PARD3: variants seen among roughly 807,000 people sequenced by gnomAD.
PARD3 encodes par-3 family cell polarity regulator, also known as partitioning defective 3 homolog.
A neutral mutation model predicts 155.4 loss-of-function variants in PARD3; 75 were observed. That is an observed-to-expected ratio of 0.48 (90% CI 0.40 to 0.58). PARD3 has a LOEUF of 0.58. PARD3 is among the 20% of genes least tolerant of loss of function. The pLI is 0.00. For missense variants in PARD3, 1,642 were observed against 1,721.7 expected (o/e 0.95, Z 0.82); for synonymous variants, 576 against 610.5 (o/e 0.94, Z 0.83).
intron 1 of PARD3, among the ~76,000 whole-genome samples, chr10:34,783,374 G>A (rs1016949879): frequency 6.6e-6 from 1 of 151,660 alleles, no homozygotes; most frequent in African/African-American, 2.4e-5. Context: ...GGAGGCCGAG[G>A]CGGGCAGATC....
intron 1 of PARD3, among the ~76,000 whole-genome samples, chr10:34,814,189 T>C (rs974861950): frequency 6.6e-6 from 1 of 152,082 alleles, no homozygotes; most frequent in African/African-American, 2.4e-5. Context: ...ATCAGCTCAG[T>C]AAATGCTCGC....
chr10:34,581,229 C>CTTTTCT (rs1676146940), intron 2 of PARD3, among the ~76,000 whole-genome samples: 1 of 95,152 alleles, frequency 1.1e-5, no homozygotes, highest in Non-Finnish European at 2.1e-5. Flanking sequence ...TTTTCTTTTT[C>CTTTTCT]TTTTCTTTTT....
At chr10:34,578,948 A>G (rs1438481341) in intron 2 of PARD3, among the ~76,000 whole-genome samples, 1 of 152,216 alleles carries the variant, frequency 6.6e-6, no homozygotes, top group East Asian at 1.9e-4. Context: ...GCCTAAGCAT[A>G]TACCTTTTCA....
chr10:34,499,185 T>C (rs2080501204), intron 3 of PARD3, among the ~76,000 whole-genome samples: 8 of 152,194 alleles, frequency 5.3e-5, no homozygotes, highest in Admixed American at 5.2e-4. Flanking sequence ...ACTACAAAAT[T>C]ATAGCCAAAT....
intron 1 of PARD3, among the ~76,000 whole-genome samples, chr10:34,761,887 T>C (rs1837487991): frequency 1.3e-5 from 2 of 152,128 alleles, no homozygotes; most frequent in Non-Finnish European, 2.9e-5. Context: ...GTGTCAAGGA[T>C]GGGATTAGAA....
intron 22 of PARD3, among the ~76,000 whole-genome samples, chr10:34,184,698 G>GT (rs9336860): frequency 0.62 from 83,181 of 134,928 alleles, 26,393 homozygotes; most frequent in East Asian, 0.86. Flanking sequence ...AGGCCTTTCG[G>GT]TTTTTTTTTT....
At chr10:34,558,229 C>T (rs1007237000) in intron 2 of PARD3, among the ~76,000 whole-genome samples, 1 of 152,132 alleles carries the variant, frequency 6.6e-6, no homozygotes, top group Non-Finnish European at 1.5e-5. Flanking sequence ...TCTACTACCG[C>T]TATTTCAGAG....
At chr10:34,376,847 C>T (rs968492635) in intron 10 of PARD3, among the ~76,000 whole-genome samples, 2 of 152,024 alleles carry the variant, frequency 1.3e-5, no homozygotes, top group African/African-American at 4.8e-5. Flanking sequence ...TATTTGAATA[C>T]TAGTTAATTA....
At chr10:34,379,373 C>A (rs1841592256) in intron 9 of PARD3, among the ~76,000 whole-genome samples, 2 of 152,048 alleles carry the variant, frequency 1.3e-5, no homozygotes, top group Admixed American at 6.5e-5. Context: ...AGTCTGAAGT[C>A]ACTTTAGGGT....
At chr10:34,522,680 G>A (rs1403400302) in intron 2 of PARD3, among the ~76,000 whole-genome samples, 1 of 152,176 alleles carries the variant, frequency 6.6e-6, no homozygotes, top group African/African-American at 2.4e-5. Flanking sequence ...AAGACAGCAT[G>A]CTAGAAAATG....
chr10:34,122,854 G>A (rs1490777158), intron 23 of PARD3, among the ~76,000 whole-genome samples: 1 of 152,202 alleles, frequency 6.6e-6, no homozygotes, highest in South Asian at 2.1e-4. Context: ...TTTACACACT[G>A]TGGCTTCAAT....
intron 2 of PARD3, among the ~76,000 whole-genome samples, chr10:34,576,817 A>G (rs1173357525): frequency 1.3e-5 from 2 of 152,250 alleles, no homozygotes; most frequent in African/African-American, 4.8e-5. Flanking sequence ...AGTGGAATGA[A>G]CATGTCACTG....
intron 22 of PARD3, among the ~76,000 whole-genome samples, chr10:34,134,293 T>C (rs1295139652): frequency 6.6e-6 from 1 of 152,244 alleles, no homozygotes; most frequent in Non-Finnish European, 1.5e-5. Flanking sequence ...TGCTTTTTTG[T>C]TCCTGGCATA....
intron 2 of PARD3, among the ~76,000 whole-genome samples, chr10:34,681,306 A>G (rs542241315): frequency 2.0e-3 from 304 of 152,168 alleles, no homozygotes; most frequent in Non-Finnish European, 2.9e-3. Context: ...GTTGGAGGGA[A>G]AAAAAAAGCA....
intron 2 of PARD3, among the ~76,000 whole-genome samples, chr10:34,597,102 G>C (rs972946796): frequency 1.3e-5 from 2 of 152,094 alleles, no homozygotes; most frequent in Non-Finnish European, 2.9e-5. Context: ...GAAAACATTA[G>C]TACTGAAAGG....
At chr10:34,339,085 C>T (rs1339307221) in intron 16 of PARD3, among the ~76,000 whole-genome samples, 1 of 152,134 alleles carries the variant, frequency 6.6e-6, no homozygotes, top group Non-Finnish European at 1.5e-5. Context: ...AAATCAAAAC[C>T]CATATGATAA....
At chr10:34,790,296 CCAAT>C (rs1413484323) in intron 1 of PARD3, among the ~76,000 whole-genome samples, 1 of 152,206 alleles carries the variant, frequency 6.6e-6, no homozygotes, top group Non-Finnish European at 1.5e-5. Flanking sequence ...CACTAATTTA[CCAAT>C]CAGTCTGATC....
At chr10:34,230,567 T>C (rs1160758926) in intron 22 of PARD3, among the ~76,000 whole-genome samples, 7 of 152,160 alleles carry the variant, frequency 4.6e-5, no homozygotes, top group African/African-American at 1.4e-4. Context: ...CCAAATTATT[T>C]TTCCTTTAGT....
At chr10:34,675,141 T>TAAA (rs2093681454) in intron 2 of PARD3, among the ~76,000 whole-genome samples, 1 of 152,206 alleles carries the variant, frequency 6.6e-6, no homozygotes, top group Non-Finnish European at 1.5e-5. Context: ...AAGTCTTTTT[T>TAAA]AACAGGTAAC....
Sources: allele counts gnomAD v4.1 joint callset (sites outside exome capture counted in the v4.1 genomes callset), GRCh38; gene constraint gnomAD v4.1.1; transcripts MANE v1.5; gene names NCBI Gene and HGNC (gene_info 2026-07-23, HGNC 2026-07-21).